The following TENM2 variants were observed in gnomAD, a reference collection of about 807,000 sequenced individuals.
TENM2 encodes the protein teneurin-2.
In TENM2, 52 loss-of-function variants were observed where a neutral mutation model predicts 245.2. The observed-to-expected ratio is 0.21, with a 90% CI of 0.17 to 0.27. The LOEUF (loss-of-function observed/expected upper bound fraction) is 0.27, where lower values mean the gene tolerates loss of function less well. TENM2 is among the 10% of genes least tolerant of loss of function. The probability of loss-of-function intolerance (pLI) is 1.00; values close to 1 mark genes in which losing one functional copy is unlikely to be tolerated. For missense variants in TENM2, 3,046 were observed against 3,666.8 expected (o/e 0.83, Z 4.37); for synonymous variants, 1,363 against 1,438.9 (o/e 0.95, Z 1.19).
intron 2 of TENM2, among the ~76,000 whole-genome samples, chr5:167,700,927 TAC>T (rs1356450437): frequency 5.1e-5 from 6 of 118,250 alleles, no homozygotes; most frequent in African/African-American, 2.0e-4. Context: ...TCAGCCCCAG[TAC>T]ACACAGTTGT....
chr5:167,874,457 C>T (rs568142199), intron 2 of TENM2, among the ~76,000 whole-genome samples: 7 of 152,196 alleles, frequency 4.6e-5, no homozygotes, highest in African/African-American at 1.7e-4. Flanking sequence ...TCTACATCAG[C>T]AGTACATCTA....
Position 167,429,202 on chromosome 5 carries a change from T to C in TENM2, c.502+53729T>C, listed in dbSNP as rs141158304. On this transcript the variant is annotated intron_variant, in intron 2 of 28. Coordinates refer to ENST00000518659, the Ensembl canonical transcript of TENM2. ...AGACAACTTCTGGCAGGGATGAGGA[T>C]CTAGCATCAGTTTATAGAAAAGTGG... Among the ~76,000 whole-genome samples the C allele has an allele frequency of 2.6e-3, 397 of 152,284 alleles. 1 individual carries two copies. Among genetic ancestry groups the C allele is most frequent in the African/African-American group, 8.9e-3 (371 of 41,558 alleles).
intron 2 of TENM2, among the ~76,000 whole-genome samples, chr5:167,398,330 ATTCTTTCCTTCT>A (rs900940298): frequency 1.7e-4 from 26 of 149,538 alleles, no homozygotes; most frequent in South Asian, 4.3e-4. Flanking sequence ...CCCTTCCCTT[ATTCTTTCCTTCT>A]TTCTTTCCTT....
intron 2 of TENM2, among the ~76,000 whole-genome samples, chr5:167,576,662 G>A (rs1207027002): frequency 6.6e-6 from 1 of 152,074 alleles, no homozygotes. Flanking sequence ...GATGTCAGAG[G>A]AAGAACTGAA....
At chr5:167,068,578 T>A in the TENM2 span, among the ~76,000 whole-genome samples, 2 of 152,214 alleles carry the variant, frequency 1.3e-5, no homozygotes, top group Non-Finnish European at 2.9e-5. Flanking sequence ...ATCTGGTATG[T>A]AATTTACACT....
the TENM2 span, among the ~76,000 whole-genome samples, chr5:167,262,407 C>T: frequency 6.9e-3 from 830 of 119,912 alleles, 6 homozygotes; most frequent in African/African-American, 0.013. Context: ...TTTGGGGGGG[C>T]GGTGCACAAT....
At chr5:167,377,108 T>C (rs1760797329) in intron 2 of TENM2, among the ~76,000 whole-genome samples, 1 of 152,144 alleles carries the variant, frequency 6.6e-6, no homozygotes, top group African/African-American at 2.4e-5. Flanking sequence ...GGGTTTCTGG[T>C]GAAGCCAAGG....
the TENM2 span, among the ~76,000 whole-genome samples, chr5:167,098,172 A>G: frequency 6.6e-6 from 1 of 152,226 alleles, no homozygotes; most frequent in African/African-American, 2.4e-5. Context: ...TTTTAAAAGC[A>G]CTTAGCAAGA....
intron 20 of TENM2, among the ~76,000 whole-genome samples, chr5:168,212,379 CAGAT>C (rs1762859827): frequency 6.6e-6 from 1 of 152,154 alleles, no homozygotes; most frequent in African/African-American, 2.4e-5. Context: ...GTACAATTCA[CAGAT>C]AAAGTGTAAA....
chr5:167,442,648 A>G (rs1380315012), intron 2 of TENM2, among the ~76,000 whole-genome samples: 1 of 152,112 alleles, frequency 6.6e-6, no homozygotes, highest in African/African-American at 2.4e-5. Context: ...TAAAGTGGGG[A>G]AATTAACTTT....
At chr5:167,800,001 C>A (rs1393353519) in intron 2 of TENM2, among the ~76,000 whole-genome samples, 22 of 152,174 alleles carry the variant, frequency 1.4e-4, no homozygotes, top group Admixed American at 1.4e-3. Flanking sequence ...CCCCAACTGA[C>A]AATCACTGAT....
At chr5:167,095,467 G>A in the TENM2 span, among the ~76,000 whole-genome samples, 2 of 152,082 alleles carry the variant, frequency 1.3e-5, no homozygotes, top group East Asian at 1.9e-4. Context: ...GGCGGCGGGC[G>A]GCAGGAAAAT....
chr5:167,750,282 A>C (rs1761873429), intron 2 of TENM2, among the ~76,000 whole-genome samples: 1 of 152,106 alleles, frequency 6.6e-6, no homozygotes, highest in Non-Finnish European at 1.5e-5. Context: ...GCTGCTGTCC[A>C]TATAGGCCTG....
chr5:167,150,773 A>T, the TENM2 span, among the ~76,000 whole-genome samples: 3 of 152,214 alleles, frequency 2.0e-5, no homozygotes, highest in Non-Finnish European at 2.9e-5. Context: ...CAAGATTTCA[A>T]CCTAGAGCCT....
chr5:168,040,957 T>C (rs1483961067), intron 5 of TENM2, among the ~76,000 whole-genome samples: 1 of 152,196 alleles, frequency 6.6e-6, no homozygotes, highest in Non-Finnish European at 1.5e-5. Flanking sequence ...CAAGGACATA[T>C]TCGTAGAGAC....
intron 2 of TENM2, among the ~76,000 whole-genome samples, chr5:167,814,608 C>G (rs893631211): frequency 6.6e-6 from 1 of 150,526 alleles, no homozygotes; most frequent in Non-Finnish European, 1.5e-5. Flanking sequence ...TTAAGAGGCA[C>G]ATGGTTGAAG....
At chr5:167,713,554 G>A (rs1051216194) in intron 2 of TENM2, among the ~76,000 whole-genome samples, 10 of 151,602 alleles carry the variant, frequency 6.6e-5, no homozygotes, top group African/African-American at 2.4e-5. Flanking sequence ...CAAGCATCAG[G>A]CATGCGCACA....
the TENM2 span, among the ~76,000 whole-genome samples, chr5:167,271,894 CTCT>C: frequency 6.6e-6 from 1 of 152,116 alleles, no homozygotes; most frequent in African/African-American, 2.4e-5. Context: ...TTCCTTTGAC[CTCT>C]TATTTACTAT....
intron 2 of TENM2, among the ~76,000 whole-genome samples, chr5:167,669,587 T>TC (rs1413384229): frequency 6.6e-6 from 1 of 151,592 alleles, no homozygotes; most frequent in Non-Finnish European, 1.5e-5. Flanking sequence ...TTTTCTGATA[T>TC]CCCCCCCTTG....
Sources: allele counts gnomAD v4.1 joint callset (sites outside exome capture counted in the v4.1 genomes callset), GRCh38; gene constraint gnomAD v4.1.1; transcripts MANE v1.5; gene names NCBI Gene and HGNC (gene_info 2026-07-23, HGNC 2026-07-21).